IL12RB2: variants seen among roughly 807,000 people sequenced by gnomAD.
IL12RB2 encodes the protein interleukin-12 receptor subunit beta-2.
A neutral mutation model predicts 89.4 loss-of-function variants in IL12RB2; 82 were observed. The ratio of observed to expected loss-of-function variants is 0.92; its 90% confidence interval spans 0.77 to 1.10. The LOEUF (loss-of-function observed/expected upper bound fraction) is 1.10, where lower values mean the gene tolerates loss of function less well. Ranked by LOEUF, IL12RB2 falls within the 50% of genes least tolerant of loss-of-function variation. The probability of loss-of-function intolerance (pLI) is 0.00; values close to 1 mark genes in which losing one functional copy is unlikely to be tolerated. For missense variants in IL12RB2, 963 were observed against 1,031.9 expected, an observed-to-expected ratio of 0.93 and a Z score of 0.92; for synonymous variants, 368 against 370.1, an observed-to-expected ratio of 0.99 and a Z score of 0.07.
chr1:67,375,397 A>G (rs1447304851), intron 13 of IL12RB2, among the ~76,000 whole-genome samples: 1 of 152,206 alleles, frequency 6.6e-6, no homozygotes, highest in African/African-American at 2.4e-5. Context: ...TCTGTCTCAA[A>G]GAGTGAAAAA....
intron 9 of IL12RB2, among the ~76,000 whole-genome samples, chr1:67,344,929 T>C (rs1337077495): frequency 6.6e-6 from 1 of 152,138 alleles, no homozygotes; most frequent in Non-Finnish European, 1.5e-5. Flanking sequence ...ATGCCTGTAA[T>C]CTAAGCACTT....
At position 67,379,968 on chromosome 1, in the gene IL12RB2, CCTTT is replaced by C. The variant is rs1664406113; in HGVS notation, c.1718-17_1718-14del. 4.2e-6 allele frequency: 6 copies of C among 1,425,262 alleles called. No homozygotes were observed. Among genetic ancestry groups the C allele is most frequent in the African/African-American group, 4.1e-5 (3 of 72,942 alleles). 88.3% of individuals were successfully genotyped at this position (1,425,262 alleles called of 1,614,324 possible). On this transcript the variant is annotated splice_polypyrimidine_tract_variant and intron_variant, in intron 13 of 16. Transcript: ENST00000674203. ...ATATCCTTTAATACATGCCTTTCTT[CCTTT>C]ATCTTCCTTTCAGAAATTCCCTACA... is the stretch of plus-strand genomic sequence containing the variant.
chr1:67,317,391 C>T (rs1569715130), intron 2 of IL12RB2, among the ~76,000 whole-genome samples: 1 of 152,178 alleles, frequency 6.6e-6, no homozygotes, highest in Non-Finnish European at 1.5e-5. Flanking sequence ...GAGATCCATC[C>T]CCAGCTTTTA....
chr1:67,327,398 T>C (rs1195110429), intron 5 of IL12RB2, among the ~76,000 whole-genome samples: 1 of 152,202 alleles, frequency 6.6e-6, no homozygotes, highest in Non-Finnish European at 1.5e-5. Context: ...TGGGTCTGAG[T>C]TCTAACTCAG....
intron 3 of IL12RB2, among the ~76,000 whole-genome samples, chr1:67,321,175 T>G (rs1236444301): frequency 6.6e-6 from 1 of 152,152 alleles, no homozygotes; most frequent in Non-Finnish European, 1.5e-5. Flanking sequence ...CTTTTTTTTC[T>G]TGGTACAAGT....
At chr1:67,355,480 G>A (rs1014889214) in intron 10 of IL12RB2, among the ~76,000 whole-genome samples, 5 of 148,774 alleles carry the variant, frequency 3.4e-5, no homozygotes, top group Non-Finnish European at 7.4e-5. Context: ...CTAGTAAAAT[G>A]TATTAAATAT....
chr1:67,367,904 A>G lies in IL12RB2; in HGVS notation c.1338A>G (p.Lys446=), dbSNP rs1366699663. ...NILVTWQPPR[K]DPSAVQEYVV... ...TGGTGACTTGGCAGCCTCCCAGGAA[A>G]GATCCCTCTGCTGTTCAGGAGTACG... Residue 446 remains lysine (K), a synonymous_variant, in exon 11 of 17, where the codon AAA becomes AAG. Coordinates refer to ENST00000674203, the MANE Select transcript of IL12RB2 (RefSeq NM_001374259.2). The G allele has an allele frequency of 1.2e-6, 2 of 1,608,448 alleles. No homozygotes were observed.
intron 1 of IL12RB2, among the ~76,000 whole-genome samples, chr1:67,311,182 G>A (rs1655007669): frequency 6.6e-6 from 1 of 152,188 alleles, no homozygotes; most frequent in African/African-American, 2.4e-5. Flanking sequence ...TTGCTCAGGA[G>A]GCTCTTCTGG....
At position 67,313,226 on chromosome 1, in the gene IL12RB2, G is replaced by A. The variant is rs191121961; in HGVS notation, c.-124-687G>A. On this transcript the variant is annotated intron_variant, in intron 1 of 16. Coordinates refer to ENST00000674203, the MANE Select transcript of IL12RB2 (RefSeq NM_001374259.2). Reference sequence around the variant, plus strand: ...ACCATAGTGGAATAGCATCAGATACGGTTACATATTGTATGTGCGCTGAGT... The same window carrying A: ...ACCATAGTGGAATAGCATCAGATACAGTTACATATTGTATGTGCGCTGAGT... 2.9e-3 allele frequency among the ~76,000 whole-genome samples: 339 copies of A among 118,210 alleles called. 1 individual carries two copies. Among genetic ancestry groups the A allele is most frequent in the African/African-American group, 0.012 (324 of 27,744 alleles). The allele number at this position is 118,210 out of a possible 152,430, so 77.6% of individuals were successfully genotyped here.
Position 67,395,817 on chromosome 1 carries a change from A to G in IL12RB2, c.2317A>G (p.Arg773Gly), listed in dbSNP as rs1489715995. 1 of 1,612,832 alleles carries G rather than the reference A, an allele frequency of 6.2e-7. No homozygotes were observed. The highest frequency in any genetic ancestry group is 1.7e-5 in the Admixed American group (1 of 59,932). The change falls in exon 17 of 17, where the codon AGG becomes GGG. Residue 773 changes from arginine to glycine, a missense_variant. By Grantham distance (125) the Arg-to-Gly change is moderately radical. Coordinates refer to ENST00000674203, the MANE Select transcript of IL12RB2 (RefSeq NM_001374259.2). ...GGATCTGTACAAGGTGCTGGAGAGCAGGGGCTCCGACCCAAAGCCCGAAAA... is the reference window on the plus strand; with the variant it reads ...GGATCTGTACAAGGTGCTGGAGAGCGGGGGCTCCGACCCAAAGCCCGAAAA... ...LVDLYKVLES[R>G]GSDPKPENPA...
intron 9 of IL12RB2, among the ~76,000 whole-genome samples, chr1:67,344,659 A>T (rs747254224): frequency 1.3e-5 from 2 of 152,218 alleles, no homozygotes; most frequent in African/African-American, 2.4e-5. Context: ...ATCAATTTTT[A>T]AAATTATTTG....
rs576186181 is a variant in IL12RB2 at position 67,397,963 on chromosome 1, C to T, written c.*1874C>T. Among the ~76,000 whole-genome samples, 2 of 152,346 alleles carry T rather than the reference C, an allele frequency of 1.3e-5. No individual in the cohort carries two copies. Among genetic ancestry groups the T allele is most frequent in the South Asian group, 4.1e-4 (2 of 4,830 alleles). On this transcript the variant is annotated 3_prime_UTR_variant, in exon 17 of 17. Coordinates refer to ENST00000674203, the MANE Select transcript of IL12RB2 (RefSeq NM_001374259.2). ...TAGGTTTTCCAGATTTCCCTCAGAG[C>T]TCTAGAAACTGAGCGATGGACAGTT...
At chr1:67,353,129 G>A (rs966013407) in intron 10 of IL12RB2, among the ~76,000 whole-genome samples, 3 of 152,184 alleles carry the variant, frequency 2.0e-5, no homozygotes, top group African/African-American at 7.2e-5. Context: ...GAATGGACTG[G>A]TTAAACTCAC....
At chr1:67,335,742 C>T (rs1280480125) in intron 8 of IL12RB2, among the ~76,000 whole-genome samples, 1 of 152,098 alleles carries the variant, frequency 6.6e-6, no homozygotes, top group Non-Finnish European at 1.5e-5. Context: ...AAAGATTCTC[C>T]TCCCTATTAG....
At chr1:67,317,996 C>T (rs932657764) in intron 2 of IL12RB2, among the ~76,000 whole-genome samples, 2 of 152,030 alleles carry the variant, frequency 1.3e-5, no homozygotes, top group South Asian at 2.1e-4. Context: ...GGGAGGGCGT[C>T]GGAGGGATAG....
At chr1:67,350,052 C>T (rs189623038) in intron 9 of IL12RB2, among the ~76,000 whole-genome samples, 44 of 152,312 alleles carry the variant, frequency 2.9e-4, no homozygotes, top group Non-Finnish European at 4.9e-4. Context: ...GCCCCCCACC[C>T]ATGGAAGGGA....
At chr1:67,340,339 T>C (rs986011118) in intron 9 of IL12RB2, among the ~76,000 whole-genome samples, 3 of 152,266 alleles carry the variant, frequency 2.0e-5, no homozygotes, top group African/African-American at 7.2e-5. Context: ...GTGAATATTA[T>C]AGAAGAACCC....
At chr1:67,366,452 CAA>C (rs11329710) in intron 10 of IL12RB2, among the ~76,000 whole-genome samples, 2,564 of 53,206 alleles carry the variant, frequency 0.048, 23 homozygotes, top group African/African-American at 0.1. Context: ...GACTCCATCT[CAA>C]AAAAAAAAAA....
chr1:67,310,624 G>T (rs1558288676), intron 1 of IL12RB2, among the ~76,000 whole-genome samples: 1 of 152,298 alleles, frequency 6.6e-6, no homozygotes, highest in Middle Eastern at 3.4e-3. Context: ...TATAATAATA[G>T]CAGGTAACAT....
Sources: allele counts gnomAD v4.1 joint callset (sites outside exome capture counted in the v4.1 genomes callset), GRCh38; gene constraint gnomAD v4.1.1; transcripts MANE v1.5; gene names NCBI Gene and HGNC (gene_info 2026-07-23, HGNC 2026-07-21).